The following KCNIP4 variants were observed in gnomAD, a reference collection of about 807,000 sequenced individuals.
The protein encoded by KCNIP4 is Kv channel-interacting protein 4.
In KCNIP4, 12 loss-of-function variants were observed where a neutral mutation model predicts 34.0. That is an observed-to-expected ratio of 0.35 (90% CI 0.23 to 0.57). The LOEUF (loss-of-function observed/expected upper bound fraction) is 0.57, where lower values mean the gene tolerates loss of function less well. KCNIP4 is among the 20% of genes least tolerant of loss of function. The pLI is 0.83. For synonymous variants in KCNIP4, 124 were observed against 102.2 expected (o/e 1.21, Z -1.29); for missense variants, 238 against 311.7 (o/e 0.76, Z 1.78).
chr4:21,048,992 C>T (rs1742686714), intron 1 of KCNIP4, among the ~76,000 whole-genome samples: 1 of 145,362 alleles, frequency 6.9e-6, no homozygotes. Context: ...GCTCTGTCGC[C>T]CAGGCTGGAG....
chr4:21,351,402 C>T (rs1717987584), intron 1 of KCNIP4, among the ~76,000 whole-genome samples: 1 of 152,154 alleles, frequency 6.6e-6, no homozygotes, highest in South Asian at 2.1e-4. Flanking sequence ...ACACATGCTC[C>T]CTCTTGCCTG....
chr4:21,923,188 T>C (rs1729030776), intron 1 of KCNIP4, among the ~76,000 whole-genome samples: 1 of 152,190 alleles, frequency 6.6e-6, no homozygotes, highest in Non-Finnish European at 1.5e-5. Flanking sequence ...ATACAAAGAA[T>C]ATAGGACTAA....
chr4:21,859,467 T>C (rs76939236), intron 1 of KCNIP4, among the ~76,000 whole-genome samples: 2 of 148,096 alleles, frequency 1.4e-5, no homozygotes, highest in East Asian at 2.0e-4. Context: ...AAAAAAAAAT[T>C]AGCCGGAAAA....
chr4:21,583,918 G>C (rs1224894725), intron 1 of KCNIP4, among the ~76,000 whole-genome samples: 2 of 151,952 alleles, frequency 1.3e-5, no homozygotes, highest in African/African-American at 4.8e-5. Context: ...TAAAATTTCT[G>C]TTCTTTTCTT....
At chr4:20,849,935 T>C (rs549145614) in intron 3 of KCNIP4, among the ~76,000 whole-genome samples, 143 of 152,292 alleles carry the variant, frequency 9.4e-4, no homozygotes, top group Non-Finnish European at 1.5e-3. Flanking sequence ...CTGTGTCTCA[T>C]AGTCAGCCTG....
At position 21,269,119 on chromosome 4, in the gene KCNIP4, C is replaced by T. The variant is rs149751040; in HGVS notation, c.62-386410G>A. On this transcript the variant is annotated intron_variant, in intron 1 of 8. Coordinates refer to ENST00000382152, the MANE Select transcript of KCNIP4 (RefSeq NM_025221.6). ...TTTATAGAGGAGAGTGATATAATCA[C>T]AATTTGGCTATAGTGAGAAAGAAGG... 3.9e-3 allele frequency among the ~76,000 whole-genome samples: 594 copies of T among 152,192 alleles called. 13 individuals carry two copies. The highest frequency in any genetic ancestry group is 0.033 in the Admixed American group (508 of 15,274).
chr4:21,348,715 AT>A (rs776227032), intron 1 of KCNIP4, among the ~76,000 whole-genome samples: 9 of 152,206 alleles, frequency 5.9e-5, no homozygotes, highest in Non-Finnish European at 1.2e-4. Flanking sequence ...GCGCTATGAT[AT>A]TTTACTTATT....
At chr4:21,309,953 C>T (rs1356547891) in intron 1 of KCNIP4, among the ~76,000 whole-genome samples, 1 of 151,730 alleles carries the variant, frequency 6.6e-6, no homozygotes. Context: ...TATGTAGATA[C>T]TAGGTGGTAT....
chr4:21,804,275 T>C (rs550539551), intron 1 of KCNIP4, among the ~76,000 whole-genome samples: 2 of 152,362 alleles, frequency 1.3e-5, no homozygotes, highest in South Asian at 4.1e-4. Flanking sequence ...GTCATTTTCA[T>C]GGCTTGGGTT....
intron 1 of KCNIP4, among the ~76,000 whole-genome samples, chr4:21,317,557 A>G (rs924390963): frequency 2.0e-5 from 3 of 152,182 alleles, no homozygotes; most frequent in African/African-American, 4.8e-5. Flanking sequence ...TAAGGTGACA[A>G]TGTGTGACTA....
intron 3 of KCNIP4, among the ~76,000 whole-genome samples, chr4:20,818,431 C>A (rs1716686188): frequency 6.6e-6 from 1 of 152,164 alleles, no homozygotes; most frequent in Non-Finnish European, 1.5e-5. Context: ...AGAAAAGCAG[C>A]CCTTTTCAGA....
At chr4:21,837,365 C>A (rs1424373815) in intron 1 of KCNIP4, among the ~76,000 whole-genome samples, 1 of 149,418 alleles carries the variant, frequency 6.7e-6, no homozygotes, top group Non-Finnish European at 1.5e-5. Context: ...GAAACTCCAT[C>A]TCTACTAAAA....
intron 1 of KCNIP4, among the ~76,000 whole-genome samples, chr4:21,920,356 T>C (rs1037910321): frequency 3.9e-5 from 6 of 152,162 alleles, no homozygotes; most frequent in African/African-American, 1.4e-4. Flanking sequence ...TCCTAAACTA[T>C]ATAGAATTAC....
Position 21,614,842 on chromosome 4 carries a change from T to C in KCNIP4, c.61+333729A>G, listed in dbSNP as rs57559594. 2.6e-3 allele frequency among the ~76,000 whole-genome samples: 398 copies of C among 152,256 alleles called. 2 individuals are homozygous for C. The highest frequency in any genetic ancestry group is 9.1e-3 in the African/African-American group (378 of 41,548). ...GCATATTCTGGGAAAGGAGTCTTAA[T>C]CATTGAGAAGCAAACTCTGGAGCCA... On this transcript the variant is annotated intron_variant, in intron 1 of 8. Coordinates refer to ENST00000382152, the MANE Select transcript of KCNIP4 (RefSeq NM_025221.6).
chr4:21,381,203 A>C (rs1721475365), intron 1 of KCNIP4, among the ~76,000 whole-genome samples: 2 of 152,146 alleles, frequency 1.3e-5, no homozygotes, highest in Admixed American at 1.3e-4. Flanking sequence ...CTTTATTGAA[A>C]ACTCAGTTTT....
chr4:21,157,715 C>T lies in KCNIP4; in HGVS notation c.62-275006G>A, dbSNP rs78497904. ...AATTGAATCACTAAATATCTATGTT[C>T]GATAGCAAAAAAGATATCAAATCAA... On this transcript the variant is annotated intron_variant, in intron 1 of 8. Transcript: ENST00000382152. Among the ~76,000 whole-genome samples the T allele has an allele frequency of 8.3e-3, 1,259 of 151,886 alleles. 90 individuals carry two copies. The East Asian group carries it at 0.18, about 21-fold the overall frequency.
intron 1 of KCNIP4, among the ~76,000 whole-genome samples, chr4:21,155,019 C>T (rs911405560): frequency 1.3e-5 from 2 of 152,146 alleles, no homozygotes; most frequent in African/African-American, 2.4e-5. Flanking sequence ...TTTTTATATA[C>T]TCCTTTAAAA....
At chr4:21,547,584 G>A (rs1170139424) in intron 1 of KCNIP4, among the ~76,000 whole-genome samples, 1 of 151,940 alleles carries the variant, frequency 6.6e-6, no homozygotes, top group Non-Finnish European at 1.5e-5. Flanking sequence ...TGGTTATTCA[G>A]AATTTTAAAG....
intron 1 of KCNIP4, among the ~76,000 whole-genome samples, chr4:21,941,055 A>T (rs1466156735): frequency 1.3e-5 from 2 of 152,160 alleles, no homozygotes; most frequent in Admixed American, 1.3e-4. Context: ...TTCTCATGCT[A>T]TCATAATGAA....
Sources: gnomAD v4.1 joint callset for allele counts (sites outside exome capture counted in the v4.1 genomes callset) on GRCh38, gnomAD v4.1.1 for gene constraint, MANE v1.5 for transcripts, NCBI Gene and HGNC (gene_info 2026-07-23, HGNC 2026-07-21) for gene names.